HEYL: variants seen among roughly 807,000 people sequenced by gnomAD.
HEYL encodes the protein hairy/enhancer-of-split related with YRPW motif-like protein.
HEYL carries 12 observed loss-of-function variants against 18.6 expected under a neutral mutation model. The ratio of observed to expected loss-of-function variants is 0.65; its 90% CI spans 0.41 to 1.05. The LOEUF (loss-of-function observed/expected upper bound fraction) is 1.05. Among genes scored for constraint, HEYL ranks in the 50% least tolerant of loss-of-function variants. HEYL has a pLI of 0.00. For synonymous variants in HEYL, 159 were observed against 179.6 expected (o/e 0.89, Z 0.91); for missense variants, 420 against 444.7 (o/e 0.94, Z 0.50).
intron 4 of HEYL, among the ~76,000 whole-genome samples, chr1:39,628,161 C>T (rs1054134323): frequency 4.6e-5 from 7 of 152,248 alleles, no homozygotes; most frequent in Non-Finnish European, 8.8e-5. Context: ...AGGAACAGCT[C>T]AGCTGGAGAC....
chr1:39,631,449 G>T, intron 3 of HEYL, 47 bp downstream of exon 3: 1 of 1,530,850 alleles, frequency 6.5e-7, no homozygotes, highest in Non-Finnish European at 9.1e-7. Context: ...AACCTTATCT[G>T]CCACCCACAC....
At chr1:39,633,197 ACGCGG>A (rs1646344689) in intron 1 of HEYL, 7 of 795,152 alleles carry the variant, frequency 8.8e-6, no homozygotes, top group Non-Finnish European at 1.1e-5. Flanking sequence ...GCCTCCTCCC[ACGCGG>A]TGCGGCCGGG....
At chr1:39,637,935 G>C (rs1390999640) in intron 1 of HEYL, among the ~76,000 whole-genome samples, 1 of 152,148 alleles carries the variant, frequency 6.6e-6, no homozygotes, top group Non-Finnish European at 1.5e-5. Flanking sequence ...GTGGAGGACA[G>C]AAGCCAGCTC....
intron 1 of HEYL, among the ~76,000 whole-genome samples, chr1:39,635,716 C>T (rs925516341): frequency 1.3e-5 from 2 of 152,196 alleles, no homozygotes; most frequent in Non-Finnish European, 2.9e-5. Flanking sequence ...GCAGGGAATC[C>T]GCATCTTCTG....
At chr1:39,638,346 C>T (rs1306446988) in intron 1 of HEYL, among the ~76,000 whole-genome samples, 1 of 152,146 alleles carries the variant, frequency 6.6e-6, no homozygotes, top group Non-Finnish European at 1.5e-5. Context: ...AATCCCAACA[C>T]TTTGGGAGGC....
intron 1 of HEYL, 149 bp from the exon 2 acceptor site, chr1:39,632,864 C>G: frequency 1.3e-6 from 2 of 1,496,684 alleles, no homozygotes; most frequent in Non-Finnish European, 1.8e-6. Flanking sequence ...CAACCCGGGT[C>G]AAGTCCTCTC....
At chr1:39,632,874 C>T in intron 1 of HEYL, 159 bp from the exon 2 acceptor site, 3 of 985,400 alleles carry the variant, frequency 3.0e-6, no homozygotes, top group Non-Finnish European at 3.6e-6. Context: ...CAAGTCCTCT[C>T]ATGCACTCTG....
At chr1:39,636,258 CTTTT>C (rs796907854) in intron 1 of HEYL, among the ~76,000 whole-genome samples, 1 of 143,346 alleles carries the variant, frequency 7.0e-6, no homozygotes, top group Non-Finnish European at 1.5e-5. Flanking sequence ...ACTCTAGTAG[CTTTT>C]TTTTTTTTTT....
At position 39,629,659 on chromosome 1, in the gene HEYL, A is replaced by C. The variant is rs116467039; in HGVS notation, c.313+568T>G. On this transcript the variant is annotated intron_variant, in intron 4 of 4. Coordinates refer to ENST00000372852, the MANE Select transcript of HEYL (RefSeq NM_014571.4). The stretch of plus-strand genomic sequence containing the variant: ...ATACACAGAGAAACTTTGAGTAGAC[A>C]GAATTTCTATTTGTCTGGAAGTGTC... 8.4e-3 allele frequency among the ~76,000 whole-genome samples: 1,287 copies of C among 152,348 alleles called. 16 individuals are homozygous for C. The highest frequency in any genetic ancestry group is 0.027 in the African/African-American group (1,134 of 41,574).
In HEYL at chr1:39,626,614, C is replaced by T. The variant is rs868146107; in HGVS notation, c.880G>A (p.Ala294Thr). ...GAGGATGAGTTGGGGGTGGGAACAG[C>T]CACGTAAGCAGCCGACCCTGTAGGA... Reference protein sequence around the residue: ...PGPTGSAAYVAVPTPNSSSPG... With the variant: ...PGPTGSAAYVTVPTPNSSSPG... The change falls in exon 5 of 5, where the codon GCT (alanine) becomes ACT (threonine). Residue 294 changes from alanine to threonine, a missense_variant. Ala to Thr is a moderately conservative substitution (Grantham distance 58). Transcript: ENST00000372852. 1 of 1,552,300 alleles carries T rather than the reference C, an allele frequency of 6.4e-7. No homozygotes were observed. Among genetic ancestry groups the T allele is most frequent in the East Asian group, 2.4e-5 (1 of 41,938 alleles).
chr1:39,636,643 G>A (rs1001023752), intron 1 of HEYL, among the ~76,000 whole-genome samples: 1 of 152,136 alleles, frequency 6.6e-6, no homozygotes, highest in Non-Finnish European at 1.5e-5. Context: ...CTCAGAGCCA[G>A]TGCTTTTTGT....
At chr1:39,639,348 G>A (rs913661853) in intron 1 of HEYL, among the ~76,000 whole-genome samples, 198 bp downstream of exon 1, 1 of 152,180 alleles carries the variant, frequency 6.6e-6, no homozygotes, top group Non-Finnish European at 1.5e-5. Flanking sequence ...ACGACCGAGA[G>A]CGCGCAGGAT....
At chr1:39,638,831 T>C (rs1228059546) in intron 1 of HEYL, among the ~76,000 whole-genome samples, 1 of 152,162 alleles carries the variant, frequency 6.6e-6, no homozygotes, top group African/African-American at 2.4e-5. Flanking sequence ...ATTTAACAGA[T>C]AAGGAAACTG....
Position 39,626,582 on chromosome 1 carries a change from C to A in HEYL, c.912G>T (p.Gly304=), listed in dbSNP as rs965081725. 3.9e-6 allele frequency: 6 copies of A among 1,552,260 alleles called. No individual in the cohort carries two copies. In the African/African-American group the frequency reaches 8.2e-5, roughly 21 times the overall value. The change falls in exon 5 of 5, where the codon GGG becomes GGT. Residue 304 remains glycine (G), a synonymous_variant. Coordinates refer to ENST00000372852, the MANE Select transcript of HEYL (RefSeq NM_014571.4). ...AVPTPNSSSP[G]PAGRPAGAML... ...TGGCTCCCGCTGGCCTCCCAGCTGG[C>A]CCTGGGGAGGATGAGTTGGGGGTGG...
chr1:39,636,680 G>T (rs1409859264), intron 1 of HEYL, among the ~76,000 whole-genome samples: 1 of 152,116 alleles, frequency 6.6e-6, no homozygotes, highest in African/African-American at 2.4e-5. Flanking sequence ...ACATCCATTT[G>T]TCTAATTTAT....
At chr1:39,639,408 G>T in intron 1 of HEYL, 138 bp downstream of exon 1, 1 of 598,284 alleles carries the variant, frequency 1.7e-6, no homozygotes, top group South Asian at 2.2e-5. Flanking sequence ...CCCCTACGCC[G>T]ACACCTGTGG....
At chr1:39,633,173 C>A (rs1199031234) in intron 1 of HEYL, 2 of 961,052 alleles carry the variant, frequency 2.1e-6, no homozygotes, top group African/African-American at 3.5e-5. Flanking sequence ...CCCTCCGCCC[C>A]GCCTGCAGCT....
At chr1:39,637,959 T>C (rs1423283179) in intron 1 of HEYL, among the ~76,000 whole-genome samples, 1 of 152,160 alleles carries the variant, frequency 6.6e-6, no homozygotes, top group Non-Finnish European at 1.5e-5. Flanking sequence ...TCAACCTAGT[T>C]CTCTGGCATC....
intron 4 of HEYL, among the ~76,000 whole-genome samples, chr1:39,628,227 C>T (rs1646311363): frequency 6.6e-6 from 1 of 152,196 alleles, no homozygotes; most frequent in Non-Finnish European, 1.5e-5. Flanking sequence ...ATACACTTAG[C>T]CATGTAAGTT....
Sources: allele counts gnomAD v4.1 joint callset (sites outside exome capture counted in the v4.1 genomes callset), GRCh38; gene constraint gnomAD v4.1.1; transcripts MANE v1.5; gene names NCBI Gene and HGNC (gene_info 2026-07-23, HGNC 2026-07-21).